The following PCNX2 variants were observed in gnomAD, a reference collection of about 807,000 sequenced individuals.
PCNX2 encodes the protein pecanex 2.
A neutral mutation model predicts 223.8 loss-of-function variants in PCNX2; 168 were observed. The ratio of observed to expected loss-of-function variants is 0.75; its 90% confidence interval spans 0.66 to 0.85. The LOEUF is 0.85. PCNX2 is among the 40% of genes least tolerant of loss of function. The probability of loss-of-function intolerance (pLI) is 0.00; values close to 1 mark genes in which losing one functional copy is unlikely to be tolerated. For missense variants in PCNX2, 2,507 were observed against 2,675.5 expected, an observed-to-expected ratio of 0.94 and a Z score of 1.39; for synonymous variants, 1,006 against 1,052.6, an observed-to-expected ratio of 0.96 and a Z score of 0.86.
chr1:233,037,998 A>G (rs74506265), intron 25 of PCNX2, among the ~76,000 whole-genome samples: 4,090 of 152,362 alleles, frequency 0.027, 77 homozygotes, highest in South Asian at 0.049. Flanking sequence ...CAACCTGGTT[A>G]TGCAGATGTA....
chr1:233,009,946 G>A (rs1185648485), intron 28 of PCNX2, among the ~76,000 whole-genome samples: 3 of 152,172 alleles, frequency 2.0e-5, no homozygotes, highest in Admixed American at 2.0e-4. Flanking sequence ...CTCCTTTGTA[G>A]GCTATCATTT....
intron 21 of PCNX2, among the ~76,000 whole-genome samples, chr1:233,101,820 C>A (rs978413814): frequency 2.6e-5 from 4 of 152,088 alleles, no homozygotes; most frequent in Non-Finnish European, 5.9e-5. Flanking sequence ...TGAATAGGTT[C>A]CATGTCCATA....
At chr1:233,218,631 C>G (rs1657175374) in intron 10 of PCNX2, among the ~76,000 whole-genome samples, 1 of 152,166 alleles carries the variant, frequency 6.6e-6, no homozygotes, top group African/African-American at 2.4e-5. Flanking sequence ...TTAAGCAAGA[C>G]TTTATTCCCC....
At chr1:233,144,166 G>A (rs1260765479) in intron 19 of PCNX2, among the ~76,000 whole-genome samples, 1 of 151,892 alleles carries the variant, frequency 6.6e-6, no homozygotes, top group African/African-American at 2.4e-5. Context: ...GGACAACAGA[G>A]CGTAGACCCT....
chr1:233,259,625 G>GC (rs1463889963), intron 4 of PCNX2, among the ~76,000 whole-genome samples: 1 of 151,744 alleles, frequency 6.6e-6, no homozygotes, highest in Non-Finnish European at 1.5e-5. Context: ...CTCTCCCCTT[G>GC]CCCCCCACCT....
chr1:232,991,192 G>T lies in PCNX2; in HGVS notation c.5792-4652C>A, dbSNP rs1433223545. Among the ~76,000 whole-genome samples, 2 of 152,194 alleles carry T rather than the reference G, an allele frequency of 1.3e-5. No individual in the cohort carries two copies. The highest frequency in any genetic ancestry group is 4.8e-5 in the African/African-American group (2 of 41,454). On this transcript the variant is annotated intron_variant, in intron 32 of 33. Transcript: ENST00000258229. This position sits in a 1 kb window ranked among gnomAD's most constrained non-coding sequence, Gnocchi z 4.3. ...AGTGCTGTATGGAAGGCTGGCCAGG[G>T]TCTCTTGGATAAGCTGGGATTTGAT...
At chr1:233,235,462 TA>T (rs1314875383) in intron 9 of PCNX2, among the ~76,000 whole-genome samples, 2 of 151,918 alleles carry the variant, frequency 1.3e-5, no homozygotes, top group Middle Eastern at 3.2e-3. Flanking sequence ...CTGGCACTTT[TA>T]AGTTAAGTCA....
chr1:233,026,910 C>T (rs1305155340), intron 25 of PCNX2, among the ~76,000 whole-genome samples: 4 of 152,014 alleles, frequency 2.6e-5, no homozygotes, highest in Non-Finnish European at 4.4e-5. Flanking sequence ...GGGGACAAGC[C>T]CTGGCTGGAG....
chr1:233,040,117 TG>T (rs1671591708), intron 25 of PCNX2, among the ~76,000 whole-genome samples: 1 of 152,238 alleles, frequency 6.6e-6, no homozygotes, highest in African/African-American at 2.4e-5. Context: ...ACGGTATCAT[TG>T]TTTTTCTCCT....
chr1:232,984,951 T>C, intron 33 of PCNX2: 1 of 153,776 alleles, frequency 6.5e-6, no homozygotes, highest in Non-Finnish European at 1.4e-5. Flanking sequence ...ACTACACCCA[T>C]AGATTGTGAC....
chr1:233,063,406 G>C (rs1028497834), intron 23 of PCNX2, among the ~76,000 whole-genome samples: 1 of 152,042 alleles, frequency 6.6e-6, no homozygotes, highest in Non-Finnish European at 1.5e-5. Flanking sequence ...AATGAGAGTG[G>C]GGGAGAGAAA....
intron 1 of PCNX2, among the ~76,000 whole-genome samples, chr1:233,270,806 G>A (rs12126986): frequency 0.099 from 15,064 of 152,094 alleles, 902 homozygotes; most frequent in South Asian, 0.19. Flanking sequence ...ACAAGTGAGT[G>A]TCTGGACCGT....
At chr1:233,041,188 T>C (rs1671632391) in intron 25 of PCNX2, among the ~76,000 whole-genome samples, 1 of 150,788 alleles carries the variant, frequency 6.6e-6, no homozygotes, top group South Asian at 2.1e-4. Context: ...ATCCACAATG[T>C]TGAATGTGGC....
chr1:233,162,041 A>G (rs1678519130), intron 17 of PCNX2, among the ~76,000 whole-genome samples: 1 of 150,820 alleles, frequency 6.6e-6, no homozygotes, highest in Non-Finnish European at 1.5e-5. Context: ...GATATATGCA[A>G]GAGGTACACA....
At chr1:233,179,312 T>C (rs776826566) in intron 15 of PCNX2, 137 bp from the exon 16 acceptor site, 3 of 888,810 alleles carry the variant, frequency 3.4e-6, no homozygotes, top group Admixed American at 4.8e-5. Context: ...CCCACGGACA[T>C]ATAAGCATCT....
chr1:233,056,958 A>G (rs1572053861), intron 24 of PCNX2, among the ~76,000 whole-genome samples: 1 of 152,142 alleles, frequency 6.6e-6, no homozygotes, highest in African/African-American at 2.4e-5. Context: ...TCTGTGTTTG[A>G]GGTTTACTGC....
At chr1:233,105,275 A>G (rs1218285337) in intron 21 of PCNX2, among the ~76,000 whole-genome samples, 1 of 152,200 alleles carries the variant, frequency 6.6e-6, no homozygotes, top group Non-Finnish European at 1.5e-5. Flanking sequence ...GTAATTCACA[A>G]AATTGAGAAA....
At chr1:233,200,131 A>G in intron 14 of PCNX2, 23 bp downstream of exon 14, 1 of 1,496,682 alleles carries the variant, frequency 6.7e-7, no homozygotes, top group Non-Finnish European at 9.1e-7. Flanking sequence ...CTTTACAGGA[A>G]GAATAGAATG....
chr1:233,025,433 A>G (rs757933246), intron 25 of PCNX2, 34 bp from the exon 26 acceptor site: 58 of 1,608,340 alleles, frequency 3.6e-5, no homozygotes, highest in Non-Finnish European at 4.8e-5. Flanking sequence ...AAGTTTGAAG[A>G]GAAGGCATGC....
Sources: allele counts gnomAD v4.1 joint callset (sites outside exome capture counted in the v4.1 genomes callset), GRCh38; gene constraint gnomAD v4.1.1; non-coding constraint Gnocchi (gnomAD v3.1); transcripts MANE v1.5; gene names NCBI Gene and HGNC (gene_info 2026-07-23, HGNC 2026-07-21).